The following GREB1 variants were observed in gnomAD, a reference collection of about 807,000 sequenced individuals.
GREB1 encodes protein GREB1.
GREB1 carries 106 observed loss-of-function variants against 200.7 expected under a neutral mutation model. The ratio of observed to expected loss-of-function variants is 0.53; its 90% CI spans 0.45 to 0.62. The LOEUF (loss-of-function observed/expected upper bound fraction) is 0.62. Ranked by LOEUF, GREB1 falls within the 20% of genes least tolerant of loss-of-function variation. The probability of loss-of-function intolerance (pLI) is 0.00; values close to 1 mark genes in which losing one functional copy is unlikely to be tolerated. For missense variants in GREB1, 2,243 were observed against 2,556.8 expected, an observed-to-expected ratio of 0.88 and a Z score of 2.65; for synonymous variants, 1,132 against 1,092.4, an observed-to-expected ratio of 1.04 and a Z score of -0.72.
chr2:11,489,051 A>AT (rs774522122), intron 1 of GREB1, among the ~76,000 whole-genome samples: 4 of 152,266 alleles, frequency 2.6e-5, no homozygotes, highest in Non-Finnish European at 4.4e-5. Flanking sequence ...GGTACTCAGT[A>AT]AATACCTGAT....
chr2:11,635,586 C>A (rs1685248710), intron 30 of GREB1, among the ~76,000 whole-genome samples, 181 bp downstream of exon 30: 1 of 152,224 alleles, frequency 6.6e-6, no homozygotes, highest in Non-Finnish European at 1.5e-5. Context: ...ATGATGGGGT[C>A]TCTCTTCTAC....
chr2:11,632,899 T>C lies in GREB1; in HGVS notation c.4827T>C (p.His1609=), dbSNP rs2148430049. The C allele has an allele frequency of 6.2e-7, 1 of 1,613,918 alleles. No homozygotes were observed. Among genetic ancestry groups the C allele is most frequent in the South Asian group, 1.1e-5 (1 of 91,024 alleles). Residue 1609 remains histidine (H), a synonymous_variant, in exon 28 of 33, where the codon CAT becomes CAC. Transcript: ENST00000381486. ...IFNSAGVGAA[H]FLIKELSYHN... ...CTTTGCCCACTGCAGGTGCTGCTCA[T>C]TTCCTCATCAAGGAGCTGTCCTACC...
intron 4 of GREB1, among the ~76,000 whole-genome samples, chr2:11,573,487 T>C (rs929584991): frequency 2.0e-5 from 3 of 152,204 alleles, no homozygotes; most frequent in Non-Finnish European, 4.4e-5. Context: ...AAGGTAGATT[T>C]CTGAAGAGAA....
chr2:11,610,216 G>A (rs77999991), intron 17 of GREB1, among the ~76,000 whole-genome samples: 7,895 of 152,218 alleles, frequency 0.052, 691 homozygotes, highest in African/African-American at 0.18. Context: ...CACTGTGATC[G>A]AAGTGAACAC....
chr2:11,499,539 A>G (rs1278080087), intron 1 of GREB1, among the ~76,000 whole-genome samples: 3 of 152,248 alleles, frequency 2.0e-5, no homozygotes, highest in African/African-American at 7.2e-5. Context: ...GATCAATAAT[A>G]TTTGCATTAG....
intron 1 of GREB1, among the ~76,000 whole-genome samples, chr2:11,520,757 A>G (rs1673677137): frequency 6.6e-6 from 1 of 152,306 alleles, no homozygotes; most frequent in East Asian, 1.9e-4. Context: ...TGGAACCTGA[A>G]TCACATCTGA....
chr2:11,554,491 G>A (rs1315374551), intron 1 of GREB1, among the ~76,000 whole-genome samples: 1 of 152,214 alleles, frequency 6.6e-6, no homozygotes, highest in Non-Finnish European at 1.5e-5. Context: ...ACAGAACAAG[G>A]ACGAGGGGAA....
chr2:11,584,999 C>G (rs1334569941), intron 7 of GREB1, 162 bp from the exon 8 acceptor site: 1 of 492,522 alleles, frequency 2.0e-6, no homozygotes, highest in African/African-American at 2.0e-5. Context: ...ATTGACATTT[C>G]CTTATGCATA....
At chr2:11,618,050 A>G (rs1373248102) in intron 21 of GREB1, among the ~76,000 whole-genome samples, 2 of 152,156 alleles carry the variant, frequency 1.3e-5, no homozygotes, top group Non-Finnish European at 2.9e-5. Context: ...TGCCTGAAAC[A>G]GTACAGGGGG....
intron 2 of GREB1, among the ~76,000 whole-genome samples, chr2:11,557,819 A>G (rs73915423): frequency 0.038 from 5,727 of 152,284 alleles, 223 homozygotes; most frequent in African/African-American, 0.091. Context: ...TAGGAAAACC[A>G]AGAATTCGCT....
At position 11,610,980 on chromosome 2, in the gene GREB1, C is replaced by A. The variant is rs1354569339; in HGVS notation, c.2959C>A (p.Pro987Thr). ...GCACTTTGAGATCATCCTGGGCAGTCCCAGCTCAGGCGTCACCGTGGGGAA... is the reference window on the plus strand; with the variant it reads ...GCACTTTGAGATCATCCTGGGCAGTACCAGCTCAGGCGTCACCGTGGGGAA... ...EEHFEIILGSPSSGVTVGKHF... is the reference protein window; with the variant it reads ...EEHFEIILGSTSSGVTVGKHF... The change falls in exon 18 of 33, where the codon CCC (proline) becomes ACC (threonine). Residue 987 changes from proline to threonine, a missense_variant. By Grantham distance (38) the Pro-to-Thr change is conservative (BLOSUM62 -1). This residue lies in a region of GREB1 where 1,178 missense variants were observed against 1,387.4 expected (regional missense o/e 0.85). Transcript: ENST00000381486. The A allele has an allele frequency of 6.2e-7, 1 of 1,607,136 alleles. No homozygotes were observed. The highest frequency in any genetic ancestry group is 1.3e-5 in the African/African-American group (1 of 74,934).
Position 11,562,754 on chromosome 2 carries a change from G to A in GREB1, c.277+172G>A, listed in dbSNP as rs949172466. 199 of 634,826 alleles carry A rather than the reference G, an allele frequency of 3.1e-4. 1 individual carries two copies. In the African/African-American group the frequency reaches 3.2e-3, roughly 10 times the overall value. The allele number at this position is 634,826 out of a possible 1,614,324, so 39.3% of individuals were successfully genotyped here. A position where few individuals can be genotyped will look rare whatever the true frequency, so the allele number is the denominator to read the frequency against. ...CTGGGCCCGCAGCAGGTGCTGGCCCGGCCTGCCCTCCTGAAACAGGAGCTC... is the reference window on the plus strand; with the variant it reads ...CTGGGCCCGCAGCAGGTGCTGGCCCAGCCTGCCCTCCTGAAACAGGAGCTC... On this transcript the variant is annotated intron_variant, in intron 3 of 32. Transcript: ENST00000381486.
rs541558028 is a variant in GREB1 at position 11,631,043 on chromosome 2, C to T, written c.4612-866C>T. The stretch of plus-strand genomic sequence containing the variant: ...TGTTAGGTACCTCCTACCCCACGGG[C>T]TGGGGTTGGGTGTTGCGGTGAAATT... On this transcript the variant is annotated intron_variant, in intron 26 of 32. Coordinates refer to ENST00000381486, the MANE Select transcript of GREB1 (RefSeq NM_014668.4). 5.3e-5 allele frequency among the ~76,000 whole-genome samples: 8 copies of T among 152,306 alleles called. No homozygotes were observed. The South Asian group carries it at 1.7e-3, about 32-fold the overall frequency.
chr2:11,574,776 C>T (rs1678672036), intron 4 of GREB1, among the ~76,000 whole-genome samples: 1 of 152,196 alleles, frequency 6.6e-6, no homozygotes, highest in Non-Finnish European at 1.5e-5. Flanking sequence ...AGATGAATGA[C>T]AAGAATGGCC....
chr2:11,586,696 G>A (rs757303897), intron 9 of GREB1, among the ~76,000 whole-genome samples: 35 of 152,322 alleles, frequency 2.3e-4, no homozygotes, highest in Middle Eastern at 3.4e-3. Flanking sequence ...AGAGAGGATT[G>A]TAGGAAAGTG....
chr2:11,616,251 G>A (rs1683392243), intron 20 of GREB1, among the ~76,000 whole-genome samples: 1 of 152,218 alleles, frequency 6.6e-6, no homozygotes. Context: ...CTGCTGCTCA[G>A]AGTTTTCCTT....
rs201471874 is a variant in GREB1 at position 11,640,438 on chromosome 2, C to T, written c.5834C>T (p.Thr1945Met). The change falls in exon 33 of 33, where the codon ACG becomes ATG. Residue 1945 changes from threonine to methionine, a missense_variant. Coordinates refer to ENST00000381486, the MANE Select transcript of GREB1 (RefSeq NM_014668.4). This position sits in a 1 kb window ranked among gnomAD's most constrained non-coding sequence, Gnocchi z 4.6. Reference sequence around the variant, plus strand: ...GAAGACCGGCCGCTCTTTTTTCTGACGGGACGACACATCTGAGGAAGACAG... The same window carrying T: ...GAAGACCGGCCGCTCTTTTTTCTGATGGGACGACACATCTGAGGAAGACAG... ...AREDRPLFFL[T>M]GRHI 6.2e-6 allele frequency: 10 copies of T among 1,613,740 alleles called. No homozygotes were observed. Among genetic ancestry groups the T allele is most frequent in the East Asian group, 2.2e-5 (1 of 44,856 alleles).
chr2:11,522,837 G>T (rs1187993561), intron 1 of GREB1, among the ~76,000 whole-genome samples: 2 of 152,210 alleles, frequency 1.3e-5, no homozygotes, highest in African/African-American at 4.8e-5. Flanking sequence ...CAAAGGTTTT[G>T]TTGTTTTCAG....
rs1326656616 is a variant in GREB1 at position 11,634,312 on chromosome 2, G to A, written c.5173G>A (p.Val1725Met). ...CGTGCACAACTTCATCATCCTGAAC[G>A]TGGACCTGACCCAGAACGTGCAGTA... is the stretch of plus-strand genomic sequence containing the variant. ...CHVHNFIILN[V>M]DLTQNVQYNQ... is the part of the protein sequence containing the mutation. The change falls in exon 29 of 33, where the codon GTG (valine) becomes ATG (methionine). Residue 1725 changes from valine to methionine, a missense_variant. Val to Met is a conservative substitution (Grantham distance 21). Around this residue, in one of 3 missense-constraint regions of GREB1, gnomAD observed 478 missense variants for 616.3 expected, o/e 0.78. Coordinates refer to ENST00000381486, the MANE Select transcript of GREB1 (RefSeq NM_014668.4). The A allele has an allele frequency of 3.1e-6, 5 of 1,613,964 alleles. No homozygotes were observed. Among genetic ancestry groups the A allele is most frequent in the South Asian group, 2.2e-5 (2 of 91,080 alleles).
Sources: gnomAD v4.1 joint callset for allele counts (sites outside exome capture counted in the v4.1 genomes callset) on GRCh38, gnomAD v4.1.1 for gene constraint, gnomAD v4.1.1 regional missense constraint, Gnocchi (gnomAD v3.1) non-coding constraint, MANE v1.5 for transcripts, NCBI Gene and HGNC (gene_info 2026-07-23, HGNC 2026-07-21) for gene names.